CMTM6: variants seen among roughly 807,000 people sequenced by gnomAD.
CMTM6 encodes CKLF-like MARVEL transmembrane domain-containing protein 6.
CMTM6 carries 5 observed loss-of-function variants against 13.6 expected under a neutral mutation model. The ratio of observed to expected loss-of-function variants is 0.37; its 90% CI spans 0.19 to 0.77. CMTM6 has a LOEUF of 0.77. Among genes scored for constraint, CMTM6 ranks in the 30% least tolerant of loss-of-function variants. The probability of loss-of-function intolerance (pLI) is 0.50; values close to 1 mark genes in which losing one functional copy is unlikely to be tolerated. For missense variants in CMTM6, 196 were observed against 218.6 expected, an observed-to-expected ratio of 0.90 and a Z score of 0.65; for synonymous variants, 99 against 84.5, an observed-to-expected ratio of 1.17 and a Z score of -0.94.
At chr3:32,489,269 C>CAAAA (rs34775532) in intron 2 of CMTM6, among the ~76,000 whole-genome samples, 33 of 94,650 alleles carry the variant, frequency 3.5e-4, no homozygotes, top group African/African-American at 1.4e-3. Context: ...GACTCCATCT[C>CAAAA]AAAAAAAAAA....
chr3:32,500,398 G>C (rs1030099283), intron 1 of CMTM6, among the ~76,000 whole-genome samples: 10 of 152,122 alleles, frequency 6.6e-5, no homozygotes, highest in Admixed American at 1.3e-4. Context: ...ACTGTGAAGA[G>C]ATAAGACATT....
chr3:32,484,158 ACTT>A, intron 3 of CMTM6, 61 bp from the exon 4 acceptor site: 1 of 1,329,860 alleles, frequency 7.5e-7, no homozygotes, highest in Non-Finnish European at 1.0e-6. Context: ...TACATTTCCT[ACTT>A]GGCTTGGAGA....
chr3:32,494,990 C>G (rs1262831541), intron 1 of CMTM6, among the ~76,000 whole-genome samples: 1 of 150,612 alleles, frequency 6.6e-6, no homozygotes, highest in Non-Finnish European at 1.5e-5. Context: ...CATGCACATA[C>G]AAATGTGGGA....
At chr3:32,496,865 AG>A (rs1218126659) in intron 1 of CMTM6, among the ~76,000 whole-genome samples, 1 of 152,192 alleles carries the variant, frequency 6.6e-6, no homozygotes, top group East Asian at 1.9e-4. Context: ...ATGGGGATGA[AG>A]AAAAAAATGG....
intron 1 of CMTM6, among the ~76,000 whole-genome samples, chr3:32,492,147 C>T (rs1257968679): frequency 6.6e-6 from 1 of 152,134 alleles, no homozygotes; most frequent in Non-Finnish European, 1.5e-5. Context: ...TAAAAGCACA[C>T]AGGAGAGACG....
chr3:32,492,874 A>G (rs1490940583), intron 1 of CMTM6, among the ~76,000 whole-genome samples: 1 of 152,254 alleles, frequency 6.6e-6, no homozygotes, highest in Non-Finnish European at 1.5e-5. Flanking sequence ...TTTCTGCATT[A>G]ATCACTTTCA....
intron 1 of CMTM6, among the ~76,000 whole-genome samples, chr3:32,495,808 A>T (rs1697284914): frequency 6.6e-6 from 1 of 152,228 alleles, no homozygotes; most frequent in Admixed American, 6.5e-5. Context: ...TGGCATTCCT[A>T]CTGACCTTAC....
At position 32,484,052 on chromosome 3, in the gene CMTM6, T is replaced by C. The variant is rs1471598194; in HGVS notation, c.460A>G (p.Thr154Ala). Residue 154 changes from threonine (T) to alanine (A), a missense_variant, in exon 4 of 4, where the codon ACT (threonine) becomes GCT (alanine). Physicochemically the swap from Thr to Ala is moderately conservative, Grantham distance 58. Coordinates refer to ENST00000205636, the MANE Select transcript of CMTM6 (RefSeq NM_017801.3). ...ASFMFLLDFITMLYEKRQESQ... is the reference protein window; with the variant it reads ...ASFMFLLDFIAMLYEKRQESQ... ...TCCTGTCGTTTTTCATACAGCATAG[T>C]GATAAAGTCAAGTAGGAACATAAAA... 1 of 1,610,404 alleles carries C rather than the reference T, an allele frequency of 6.2e-7. No homozygotes were observed. The highest frequency in any genetic ancestry group is 1.1e-5 in the South Asian group (1 of 90,476).
chr3:32,501,932 A>T lies in CMTM6; in HGVS notation c.138+676T>A, dbSNP rs3773773. The stretch of plus-strand genomic sequence containing the variant: ...TCACGAACAGGTTTATGGTACTTCA[A>T]CTGCTTAAAATAAACTCAATAAAAT... On this transcript the variant is annotated intron_variant, in intron 1 of 3. Coordinates refer to ENST00000205636, the MANE Select transcript of CMTM6 (RefSeq NM_017801.3). Among the ~76,000 whole-genome samples the T allele has an allele frequency of 1.3e-4, 20 of 152,356 alleles. No individual in the cohort carries two copies. The East Asian group carries it at 3.7e-3, about 28-fold the overall frequency.
chr3:32,483,750 AATT>A lies in CMTM6; in HGVS notation c.*207_*209del, dbSNP rs1212251339. 1 of 351,186 alleles carries A rather than the reference AATT, an allele frequency of 2.8e-6. No individual in the cohort carries two copies. Among genetic ancestry groups the A allele is most frequent in the South Asian group, 1.2e-4 (1 of 8,046 alleles). 21.8% of individuals were successfully genotyped at this position (351,186 alleles called of 1,614,324 possible). ...AAAATCTCCATTTGAGATAAGTTTC[AATT>A]ATTATTTAAAAAAAAATTTTTTTTA... On this transcript the variant is annotated 3_prime_UTR_variant, in exon 4 of 4. Coordinates refer to ENST00000205636, the MANE Select transcript of CMTM6 (RefSeq NM_017801.3).
chr3:32,492,765 CAT>C (rs771026893), intron 1 of CMTM6, among the ~76,000 whole-genome samples: 10 of 152,222 alleles, frequency 6.6e-5, no homozygotes, highest in East Asian at 3.8e-4. Context: ...CAAGATAACA[CAT>C]GTGTACCTTA....
chr3:32,499,890 TCA>T (rs1697330303), intron 1 of CMTM6, among the ~76,000 whole-genome samples: 1 of 147,464 alleles, frequency 6.8e-6, no homozygotes, highest in Non-Finnish European at 1.5e-5. Flanking sequence ...CCATGGAGCC[TCA>T]GAGGTTTGAA....
rs539729624 is a variant in CMTM6 at position 32,489,372 on chromosome 3, C to T, written c.316-1336G>A. Reference sequence around the variant, plus strand: ...TATAAAATGTAAGAGGTTTTCTTGCCGGGCACGGTGGTTCACACCTGTAAT... The same window carrying T: ...TATAAAATGTAAGAGGTTTTCTTGCTGGGCACGGTGGTTCACACCTGTAAT... On this transcript the variant is annotated intron_variant, in intron 2 of 3. Coordinates refer to ENST00000205636, the MANE Select transcript of CMTM6 (RefSeq NM_017801.3). 6.6e-5 allele frequency among the ~76,000 whole-genome samples: 10 copies of T among 151,960 alleles called. No homozygotes were observed. The South Asian group carries it at 8.3e-4, about 13-fold the overall frequency.
At chr3:32,485,699 A>G (rs748416429) in intron 3 of CMTM6, among the ~76,000 whole-genome samples, 10 of 152,216 alleles carry the variant, frequency 6.6e-5, no homozygotes, top group Non-Finnish European at 1.5e-4. Context: ...AGAATGAATC[A>G]AGATTCAGTG....
intron 3 of CMTM6, 71 bp downstream of exon 3, chr3:32,487,867 T>C: frequency 9.2e-7 from 1 of 1,086,626 alleles, no homozygotes; most frequent in East Asian, 2.5e-5. Flanking sequence ...GTATAACTTG[T>C]CAAGTACTCT....
chr3:32,492,190 G>A (rs1697255288), intron 1 of CMTM6, among the ~76,000 whole-genome samples: 1 of 152,178 alleles, frequency 6.6e-6, no homozygotes, highest in South Asian at 2.1e-4. Flanking sequence ...GCTTCCTGAA[G>A]GAGAAAGCTG....
At chr3:32,484,852 G>A (rs924443682) in intron 3 of CMTM6, among the ~76,000 whole-genome samples, 2 of 152,032 alleles carry the variant, frequency 1.3e-5, no homozygotes, top group South Asian at 2.1e-4. Context: ...CTATCTCCAC[G>A]ATTTTTATTA....
chr3:32,491,682 T>G, intron 2 of CMTM6, 28 bp downstream of exon 2: 1 of 1,556,322 alleles, frequency 6.4e-7, no homozygotes, highest in Non-Finnish European at 8.7e-7. Flanking sequence ...CAGCTATTAA[T>G]ACAGGGATGA....
In CMTM6 at chr3:32,502,736, C is replaced by T. The variant is rs1219013646; in HGVS notation, c.10G>A (p.Gly4Arg). 3 of 1,482,494 alleles carry T rather than the reference C, an allele frequency of 2.0e-6. No individual in the cohort carries two copies. Among genetic ancestry groups the T allele is most frequent in the Non-Finnish European group, 9.0e-7 (1 of 1,117,006 alleles). The allele number at this position is 1,482,494 out of a possible 1,614,324, so 91.8% of individuals were successfully genotyped here. Reference sequence around the variant, plus strand: ...TCCGTAGTGGGGCTGTACACCGCTCCGTTCTCCATCGCCTCGGGCCGGGGA... The same window carrying T: ...TCCGTAGTGGGGCTGTACACCGCTCTGTTCTCCATCGCCTCGGGCCGGGGA... The part of the protein sequence containing the change: MEN[G>R]AVYSPTTEED... The change falls in exon 1 of 4, where the codon GGA becomes AGA. Residue 4 changes from glycine (G) to arginine (R), a missense_variant. Coordinates refer to ENST00000205636, the MANE Select transcript of CMTM6 (RefSeq NM_017801.3).
Sources: allele counts gnomAD v4.1 joint callset (sites outside exome capture counted in the v4.1 genomes callset), GRCh38; gene constraint gnomAD v4.1.1; transcripts MANE v1.5; gene names NCBI Gene and HGNC (gene_info 2026-07-23, HGNC 2026-07-21).